The following RBMS1 variants were observed in gnomAD, a reference collection of about 807,000 sequenced individuals.
RBMS1 encodes RNA binding motif single stranded interacting protein 1.
A neutral mutation model predicts 62.3 loss-of-function variants in RBMS1; 17 were observed. That is an observed-to-expected ratio of 0.27 (90% CI 0.19 to 0.41). The LOEUF is 0.41. RBMS1 is among the 10% of genes least tolerant of loss of function. The probability of loss-of-function intolerance (pLI) is 1.00; values close to 1 mark genes in which losing one functional copy is unlikely to be tolerated. For synonymous variants in RBMS1, 172 were observed against 170.0 expected, an observed-to-expected ratio of 1.01 and a Z score of -0.09; for missense variants, 334 against 504.5, an observed-to-expected ratio of 0.66 and a Z score of 3.24.
chr2:160,383,885 T>C (rs1694424793), intron 1 of RBMS1, among the ~76,000 whole-genome samples: 1 of 152,194 alleles, frequency 6.6e-6, no homozygotes, highest in South Asian at 2.1e-4. Context: ...GGCATAGAGA[T>C]TGGGGATGGA....
At chr2:160,397,664 C>A (rs1573999592) in intron 1 of RBMS1, among the ~76,000 whole-genome samples, 1 of 152,260 alleles carries the variant, frequency 6.6e-6, no homozygotes, top group East Asian at 1.9e-4. Flanking sequence ...TTCCCTCACC[C>A]CTGCCTCCAC....
At chr2:160,334,031 A>G (rs1691428765) in intron 2 of RBMS1, among the ~76,000 whole-genome samples, 1 of 152,198 alleles carries the variant, frequency 6.6e-6, no homozygotes, top group Non-Finnish European at 1.5e-5. Flanking sequence ...ATATTTATAA[A>G]TCCTTTTTTT....
chr2:160,296,873 C>A (rs1256076579), intron 6 of RBMS1, among the ~76,000 whole-genome samples: 3 of 152,146 alleles, frequency 2.0e-5, no homozygotes, highest in Non-Finnish European at 2.9e-5. Flanking sequence ...TTTAGAGACT[C>A]CTCCCCCATT....
At chr2:160,332,870 T>A (rs866378834) in intron 2 of RBMS1, among the ~76,000 whole-genome samples, 1 of 149,534 alleles carries the variant, frequency 6.7e-6, no homozygotes, top group South Asian at 2.1e-4. Flanking sequence ...TACATATATT[T>A]TATATATATA....
intron 1 of RBMS1, among the ~76,000 whole-genome samples, chr2:160,401,238 C>T (rs769900471): frequency 4.6e-5 from 7 of 152,154 alleles, no homozygotes; most frequent in Non-Finnish European, 5.9e-5. Context: ...GTTTACATTA[C>T]ACTGTTATGA....
At chr2:160,276,377 A>G (rs1687836259) in intron 12 of RBMS1, among the ~76,000 whole-genome samples, 1 of 151,034 alleles carries the variant, frequency 6.6e-6, no homozygotes, top group Non-Finnish European at 1.5e-5. Flanking sequence ...ACCAACACCT[A>G]CTACTACTAC....
At chr2:160,394,912 T>C (rs1054835732) in intron 1 of RBMS1, among the ~76,000 whole-genome samples, 4 of 152,242 alleles carry the variant, frequency 2.6e-5, no homozygotes, top group African/African-American at 9.6e-5. Context: ...AATCACTCAA[T>C]GTTTCTGGAT....
intron 1 of RBMS1, among the ~76,000 whole-genome samples, chr2:160,489,131 A>G (rs1685722576): frequency 6.6e-6 from 1 of 152,192 alleles, no homozygotes; most frequent in African/African-American, 2.4e-5. Context: ...AAAAACAAAA[A>G]GTTGTATGGG....
At chr2:160,421,869 G>A (rs1448238651) in intron 1 of RBMS1, among the ~76,000 whole-genome samples, 5 of 152,178 alleles carry the variant, frequency 3.3e-5, no homozygotes, top group Non-Finnish European at 7.4e-5. Context: ...ATCTCATTGT[G>A]GTTTTGATTT....
intron 2 of RBMS1, among the ~76,000 whole-genome samples, chr2:160,365,736 C>G (rs942221498): frequency 1.3e-5 from 2 of 152,222 alleles, no homozygotes; most frequent in Non-Finnish European, 2.9e-5. Flanking sequence ...TCTTCTGCTT[C>G]TTACAGTCAT....
At chr2:160,406,476 T>C (rs1186019767) in intron 1 of RBMS1, among the ~76,000 whole-genome samples, 1 of 152,228 alleles carries the variant, frequency 6.6e-6, no homozygotes, top group East Asian at 1.9e-4. Context: ...AATAACTTAA[T>C]TGATTTGTCT....
chr2:160,393,115 T>A (rs1034985261), intron 1 of RBMS1, among the ~76,000 whole-genome samples: 9 of 152,128 alleles, frequency 5.9e-5, no homozygotes, highest in African/African-American at 2.2e-4. Flanking sequence ...TAGAGTCAGT[T>A]AAAGGGTAGA....
chr2:160,378,658 G>A lies in RBMS1; in HGVS notation c.76-11267C>T, dbSNP rs145539536. Among the ~76,000 whole-genome samples, 10 of 150,122 alleles carry A rather than the reference G, an allele frequency of 6.7e-5. No individual in the cohort carries two copies. The East Asian group carries it at 2.0e-3, about 29-fold the overall frequency. Reference sequence around the variant, plus strand: ...GCACTTTGATGCTTTTCTGTCATAAGAGTACACTCAGAGTCAACTACCAAT... The same window carrying A: ...GCACTTTGATGCTTTTCTGTCATAAAAGTACACTCAGAGTCAACTACCAAT... On this transcript the variant is annotated intron_variant, in intron 1 of 13. Coordinates refer to ENST00000348849, the MANE Select transcript of RBMS1 (RefSeq NM_016836.4).
chr2:160,478,652 G>T (rs1685237101), intron 1 of RBMS1, among the ~76,000 whole-genome samples: 1 of 152,006 alleles, frequency 6.6e-6, no homozygotes, highest in Non-Finnish European at 1.5e-5. Context: ...TCTCTTATTT[G>T]CTCAATATAT....
chr2:160,387,399 G>GT (rs1328985565), intron 1 of RBMS1, among the ~76,000 whole-genome samples: 3 of 151,814 alleles, frequency 2.0e-5, no homozygotes, highest in African/African-American at 7.3e-5. Context: ...ATCACTAAAT[G>GT]TTTTTTCCTA....
chr2:160,473,913 C>T (rs1685025625), intron 1 of RBMS1, among the ~76,000 whole-genome samples: 1 of 151,970 alleles, frequency 6.6e-6, no homozygotes, highest in African/African-American at 2.4e-5. Context: ...TTTTGATGCC[C>T]ATTTGGTTTT....
At chr2:160,466,752 A>G (rs902443642) in intron 1 of RBMS1, among the ~76,000 whole-genome samples, 1 of 152,220 alleles carries the variant, frequency 6.6e-6, no homozygotes, top group African/African-American at 2.4e-5. Flanking sequence ...AAACAAAAAC[A>G]AAAAGCTAAG....
chr2:160,436,801 G>C (rs1014322536), intron 1 of RBMS1, among the ~76,000 whole-genome samples: 20 of 152,066 alleles, frequency 1.3e-4, no homozygotes, highest in African/African-American at 4.6e-4. Flanking sequence ...GAGGTTTCCT[G>C]CTACATTCGT....
At chr2:160,389,423 C>T (rs967125682) in intron 1 of RBMS1, among the ~76,000 whole-genome samples, 1 of 152,102 alleles carries the variant, frequency 6.6e-6, no homozygotes, top group African/African-American at 2.4e-5. Flanking sequence ...GCAGGATGGG[C>T]GTGGTGGCTC....
Sources: gnomAD v4.1 joint callset for allele counts (sites outside exome capture counted in the v4.1 genomes callset) on GRCh38, gnomAD v4.1.1 for gene constraint, MANE v1.5 for transcripts, NCBI Gene and HGNC (gene_info 2026-07-23, HGNC 2026-07-21) for gene names.